Variants in PTPRN2 observed in about 807,000 individuals in gnomAD.
The protein encoded by PTPRN2 is protein tyrosine phosphatase receptor type N2, also known as receptor-type tyrosine-protein phosphatase N2.
In PTPRN2, 74 loss-of-function variants were observed where a neutral mutation model predicts 118.8. The ratio of observed to expected loss-of-function variants is 0.62; its 90% confidence interval spans 0.52 to 0.76. The LOEUF (loss-of-function observed/expected upper bound fraction) is 0.76. PTPRN2 is among the 30% of genes least tolerant of loss of function. PTPRN2 has a pLI of 0.00. For synonymous variants in PTPRN2, 641 were observed against 608.0 expected (o/e 1.05, Z -0.80); for missense variants, 1,481 against 1,394.4 (o/e 1.06, Z -0.99).
chr7:158,566,168 C>A (rs973918842), intron 1 of PTPRN2, among the ~76,000 whole-genome samples: 3 of 152,124 alleles, frequency 2.0e-5, no homozygotes, highest in Non-Finnish European at 4.4e-5. Flanking sequence ...GCCTCACCAA[C>A]ATGGTGAAGC....
At chr7:158,569,616 G>A (rs1014767173) in intron 1 of PTPRN2, among the ~76,000 whole-genome samples, 1 of 152,156 alleles carries the variant, frequency 6.6e-6, no homozygotes, top group Non-Finnish European at 1.5e-5. Context: ...CCACTGACAG[G>A]AGCGCGGGGC....
chr7:157,813,984 T>C lies in PTPRN2; in HGVS notation c.1788+84689A>G, dbSNP rs73513219. 0.018 allele frequency among the ~76,000 whole-genome samples: 2,773 copies of C among 152,322 alleles called. 93 individuals are homozygous for C. Among genetic ancestry groups the C allele is most frequent in the African/African-American group, 0.064 (2,655 of 41,564 alleles). On this transcript the variant is annotated intron_variant, in intron 12 of 22. Coordinates refer to ENST00000389418, the MANE Select transcript of PTPRN2 (RefSeq NM_002847.5). This position sits in a 1 kb window ranked among gnomAD's most constrained non-coding sequence, Gnocchi z 4.7. ...GTGGTGCTTTGGAGGAGTTTGCTCCTTAGAGTGAGGGGGATTGTTCTGCCC... is the reference window on the plus strand; with the variant it reads ...GTGGTGCTTTGGAGGAGTTTGCTCCCTAGAGTGAGGGGGATTGTTCTGCCC...
chr7:157,794,245 C>T lies in PTPRN2; in HGVS notation c.1788+104428G>A, dbSNP rs921923442. 4.6e-5 allele frequency among the ~76,000 whole-genome samples: 7 copies of T among 151,184 alleles called. No homozygotes were observed. Among genetic ancestry groups the T allele is most frequent in the South Asian group, 2.1e-4 (1 of 4,742 alleles). On this transcript the variant is annotated intron_variant, in intron 12 of 22. Transcript: ENST00000389418. This position sits in a 1 kb window ranked among gnomAD's most constrained non-coding sequence, Gnocchi z 5.2. ...CCTCCCCTCGTTCTCTGCTCCGACC[C>T]GGGCTCACACCTCCCCTCGTTCTCT...
At chr7:158,110,275 C>T (rs546366131) in intron 10 of PTPRN2, among the ~76,000 whole-genome samples, 159 of 152,330 alleles carry the variant, frequency 1.0e-3, no homozygotes, top group African/African-American at 3.6e-3. Flanking sequence ...AAGCACTTGT[C>T]GTGAGACAGG....
intron 3 of PTPRN2, among the ~76,000 whole-genome samples, chr7:158,239,336 G>T (rs185727394): frequency 6.6e-6 from 1 of 152,188 alleles, no homozygotes; most frequent in South Asian, 2.1e-4. Context: ...CTCAGACCAC[G>T]TTCAAGTTGC....
rs192272430 is a variant in PTPRN2 at position 157,915,945 on chromosome 7, C to T, written c.1724-17208G>A. ...CACATCTCCTAAGAAATCTCTGCCC[C>T]GCCCCAGCTGCTTTGTGCTTATGAA... On this transcript the variant is annotated intron_variant, in intron 11 of 22. Transcript: ENST00000389418. Among the ~76,000 whole-genome samples, 84 of 152,290 alleles carry T rather than the reference C, an allele frequency of 5.5e-4. 1 individual carries two copies. The highest frequency in any genetic ancestry group is 1.8e-3 in the African/African-American group (75 of 41,556).
intron 18 of PTPRN2, among the ~76,000 whole-genome samples, 181 bp downstream of exon 18, chr7:157,577,840 G>A (rs961562470): frequency 4.0e-5 from 6 of 151,818 alleles, no homozygotes; most frequent in African/African-American, 1.2e-4. Context: ...CATGGGGTGC[G>A]CTGAGCCTCC....
chr7:158,415,793 TAAAC>T (rs1188577058), intron 2 of PTPRN2, among the ~76,000 whole-genome samples: 1 of 152,178 alleles, frequency 6.6e-6, no homozygotes, highest in Non-Finnish European at 1.5e-5. Flanking sequence ...AAGGAAAAAT[TAAAC>T]AAATCAGGTG....
intron 1 of PTPRN2, among the ~76,000 whole-genome samples, chr7:158,532,298 C>T (rs909170162): frequency 7.9e-5 from 12 of 152,194 alleles, no homozygotes; most frequent in African/African-American, 2.2e-4. Context: ...AGCCACGTCA[C>T]GTCTCTATGA....
chr7:157,795,446 G>A (rs964090319), intron 12 of PTPRN2, among the ~76,000 whole-genome samples: 11 of 152,240 alleles, frequency 7.2e-5, no homozygotes, highest in African/African-American at 2.7e-4. Context: ...GGGAACCACT[G>A]CTCTTTAACT....
chr7:158,283,340 G>GC (rs1164870516), intron 3 of PTPRN2, among the ~76,000 whole-genome samples: 1 of 152,146 alleles, frequency 6.6e-6, no homozygotes, highest in African/African-American at 2.4e-5. Flanking sequence ...GACCGAGCAG[G>GC]CCCCGTCTGC....
intron 3 of PTPRN2, among the ~76,000 whole-genome samples, chr7:158,279,171 CTGATTGGTCCATTTTACAGAGAGT>C (rs1331590872): frequency 5.3e-5 from 8 of 152,334 alleles, no homozygotes; most frequent in African/African-American, 7.2e-5. Flanking sequence ...CTACATCCTG[CTGATTGGTCCATTTTACAGAGAGT>C]TGATTGGTCC....
chr7:158,246,969 C>T (rs1173727290), intron 3 of PTPRN2, among the ~76,000 whole-genome samples: 3 of 152,226 alleles, frequency 2.0e-5, no homozygotes, highest in Non-Finnish European at 4.4e-5. Flanking sequence ...TCTCCACGCA[C>T]TTCTCATAGA....
chr7:158,316,765 C>T (rs1586228136), intron 3 of PTPRN2, 54 bp downstream of exon 3: 1 of 1,350,550 alleles, frequency 7.4e-7, no homozygotes, highest in Non-Finnish European at 1.0e-6. Context: ...GAAGCCAAGC[C>T]CGTGCGGTCG....
At chr7:158,386,219 T>C (rs1282382256) in intron 2 of PTPRN2, among the ~76,000 whole-genome samples, 2 of 86,826 alleles carry the variant, frequency 2.3e-5, no homozygotes, top group African/African-American at 5.0e-5. Context: ...CCTCCTGTGC[T>C]CTGAGTCCCT....
intron 12 of PTPRN2, among the ~76,000 whole-genome samples, chr7:157,871,932 A>G (rs1811074107): frequency 6.7e-6 from 1 of 148,750 alleles, no homozygotes; most frequent in Admixed American, 6.7e-5. Context: ...ATACCTGCAT[A>G]CCCAGCACTT....
At chr7:158,180,194 G>A (rs1287308088) in intron 5 of PTPRN2, among the ~76,000 whole-genome samples, 1 of 152,222 alleles carries the variant, frequency 6.6e-6, no homozygotes, top group Non-Finnish European at 1.5e-5. Flanking sequence ...TTCTACATGT[G>A]GCTATCCAGT....
chr7:158,058,375 C>A (rs1224596564), intron 11 of PTPRN2, among the ~76,000 whole-genome samples: 2 of 140,672 alleles, frequency 1.4e-5, no homozygotes, highest in South Asian at 2.3e-4. Context: ...CACATCACTG[C>A]AGCCACACTC....
At chr7:158,147,337 A>G in intron 6 of PTPRN2, among the ~76,000 whole-genome samples, 1 of 102,560 alleles carries the variant, frequency 9.8e-6, no homozygotes, top group Admixed American at 9.0e-5. Context: ...CCCCTCACCG[A>G]CACCCCATCT....
Sources: gnomAD v4.1 joint callset for allele counts (sites outside exome capture counted in the v4.1 genomes callset) on GRCh38, gnomAD v4.1.1 for gene constraint, Gnocchi (gnomAD v3.1) non-coding constraint, MANE v1.5 for transcripts, NCBI Gene and HGNC (gene_info 2026-07-23, HGNC 2026-07-21) for gene names.